The following CIB2 variants were observed in gnomAD, a reference collection of about 807,000 sequenced individuals.
CIB2 encodes calcium and integrin binding family member 2, also known as calcium and integrin-binding family member 2.
In CIB2, 19 loss-of-function variants were observed where a neutral mutation model predicts 23.1. The ratio of observed to expected loss-of-function variants is 0.82; its 90% CI spans 0.57 to 1.21. The LOEUF (loss-of-function observed/expected upper bound fraction) is 1.21, where lower values mean the gene tolerates loss of function less well. Among genes scored for constraint, CIB2 ranks in the 50% most tolerant of loss-of-function variants. CIB2 has a pLI of 0.00. For synonymous variants in CIB2, 94 were observed against 91.7 expected, an observed-to-expected ratio of 1.03 and a Z score of -0.14; for missense variants, 220 against 241.5, an observed-to-expected ratio of 0.91 and a Z score of 0.59.
At chr15:78,126,143 C>CG (rs796632353) in intron 1 of CIB2, among the ~76,000 whole-genome samples, 3 of 143,426 alleles carry the variant, frequency 2.1e-5, no homozygotes, top group African/African-American at 8.3e-5. Context: ...TTCCCCTGCC[C>CG]CCCCCCCTTT....
At chr15:78,107,039 T>C (rs562519722) in intron 4 of CIB2, among the ~76,000 whole-genome samples, 9 of 150,524 alleles carry the variant, frequency 6.0e-5, no homozygotes, top group Admixed American at 6.0e-4. Context: ...CCATCCTGGC[T>C]AACACGGTGA....
intron 2 of CIB2, among the ~76,000 whole-genome samples, chr15:78,115,939 C>T (rs571424306): frequency 6.6e-6 from 1 of 151,852 alleles, no homozygotes; most frequent in Non-Finnish European, 1.5e-5. Context: ...AATCAATGTA[C>T]TATTCGCCAT....
intron 3 of CIB2, chr15:78,110,691 A>G (rs1220652592): frequency 8.8e-6 from 4 of 456,176 alleles, no homozygotes; most frequent in Non-Finnish European, 1.8e-5. Flanking sequence ...TCCTGACTCT[A>G]CTCCACATGT....
chr15:78,119,704 C>G lies in CIB2; in HGVS notation c.86+4001G>C, dbSNP rs535615399. Among the ~76,000 whole-genome samples the G allele has an allele frequency of 2.4e-3, 360 of 152,084 alleles. 3 individuals carry two copies. Among genetic ancestry groups the G allele is most frequent in the African/African-American group, 8.0e-3 (331 of 41,458 alleles). On this transcript the variant is annotated intron_variant, in intron 2 of 5. Coordinates refer to ENST00000258930, the MANE Select transcript of CIB2 (RefSeq NM_006383.4). ...TCTCCTGCCTCAGCCTCCTGAGTAGCTGGGACTACAGGAACACACCACCAT... is the reference window on the plus strand; with the variant it reads ...TCTCCTGCCTCAGCCTCCTGAGTAGGTGGGACTACAGGAACACACCACCAT...
At chr15:78,129,243 G>A (rs1206703531) in intron 1 of CIB2, among the ~76,000 whole-genome samples, 1 of 152,126 alleles carries the variant, frequency 6.6e-6, no homozygotes, top group Non-Finnish European at 1.5e-5. Flanking sequence ...GAGAGCCAGA[G>A]GGTAGGAGAT....
intron 1 of CIB2, among the ~76,000 whole-genome samples, chr15:78,126,961 TAGTC>T (rs1479215451): frequency 6.6e-6 from 1 of 152,136 alleles, no homozygotes; most frequent in African/African-American, 2.4e-5. Context: ...AAAGGTTTGG[TAGTC>T]AGGGTCAAAT....
intron 4 of CIB2, among the ~76,000 whole-genome samples, chr15:78,108,265 C>G (rs867174770): frequency 3.3e-4 from 50 of 152,038 alleles, no homozygotes; most frequent in African/African-American, 9.6e-4. Context: ...CCTGATAGGC[C>G]CTGCTGCCTT....
At position 78,105,225 on chromosome 15, in the gene CIB2, C is replaced by G. The variant is rs2074047164; in HGVS notation, c.*86G>C. 1.3e-6 allele frequency: 2 copies of G among 1,581,100 alleles called. No homozygotes were observed. Among genetic ancestry groups the G allele is most frequent in the Non-Finnish European group, 1.7e-6 (2 of 1,154,704 alleles). On this transcript the variant is annotated 3_prime_UTR_variant, in exon 6 of 6. Transcript: ENST00000258930. ...GTGTAAACCCCAGAGGCTGCCACTG[C>G]TTTCCTGGGGAGCTTGGAGGCCACA... is the stretch of plus-strand genomic sequence containing the variant.
At chr15:78,123,774 T>G in intron 1 of CIB2, 35 bp from the exon 2 acceptor site, 1 of 1,613,838 alleles carries the variant, frequency 6.2e-7, no homozygotes, top group East Asian at 2.2e-5. Context: ...ACAGTCAGTG[T>G]GCGGCTCCCA....
chr15:78,105,273 T>C lies in CIB2; in HGVS notation c.*38A>G, dbSNP rs777599243. The C allele has an allele frequency of 2.0e-5, 33 of 1,613,340 alleles. No homozygotes were observed. Among genetic ancestry groups the C allele is most frequent in the Non-Finnish European group, 2.6e-5 (31 of 1,179,682 alleles). On this transcript the variant is annotated 3_prime_UTR_variant, in exon 6 of 6. Transcript: ENST00000258930. ...ACACCCATGTGACTGCAGGGCAGGA[T>C]GGTGGACTTCTAGGCCCCTACAGCC...
chr15:78,115,316 G>A (rs1347554205), intron 2 of CIB2, among the ~76,000 whole-genome samples: 2 of 152,078 alleles, frequency 1.3e-5, no homozygotes, highest in African/African-American at 2.4e-5. Context: ...GGAGTGCAGT[G>A]GCGCAATCTT....
chr15:78,105,239 T>C lies in CIB2; in HGVS notation c.*72A>G. 2 of 1,603,468 alleles carry C rather than the reference T, an allele frequency of 1.2e-6. No individual in the cohort carries two copies. The highest frequency in any genetic ancestry group is 1.7e-6 in the Non-Finnish European group (2 of 1,172,326). ...GGCTGCCACTGCTTTCCTGGGGAGCTTGGAGGCCACACCCATGTGACTGCA... is the reference window on the plus strand; with the variant it reads ...GGCTGCCACTGCTTTCCTGGGGAGCCTGGAGGCCACACCCATGTGACTGCA... On this transcript the variant is annotated 3_prime_UTR_variant, in exon 6 of 6. Coordinates refer to ENST00000258930, the MANE Select transcript of CIB2 (RefSeq NM_006383.4).
At chr15:78,113,087 T>A (rs1334629215) in intron 2 of CIB2, among the ~76,000 whole-genome samples, 1 of 152,164 alleles carries the variant, frequency 6.6e-6, no homozygotes, top group Non-Finnish European at 1.5e-5. Flanking sequence ...GTCTTCCCCA[T>A]CCTACACAGC....
chr15:78,115,239 T>C (rs1190689146), intron 2 of CIB2, among the ~76,000 whole-genome samples: 1 of 152,152 alleles, frequency 6.6e-6, no homozygotes, highest in East Asian at 1.9e-4. Flanking sequence ...TTATTTGAAA[T>C]TTTAGAAGTA....
chr15:78,126,064 T>G (rs1333164756), intron 1 of CIB2, among the ~76,000 whole-genome samples: 1 of 151,980 alleles, frequency 6.6e-6, no homozygotes. Flanking sequence ...CAAAGTTGAG[T>G]AGCTTGCCTT....
intron 1 of CIB2, among the ~76,000 whole-genome samples, 176 bp from the exon 2 acceptor site, chr15:78,123,915 T>C (rs1373211479): frequency 6.6e-6 from 1 of 152,126 alleles, no homozygotes; most frequent in African/African-American, 2.4e-5. Context: ...CTAGTAGGTA[T>C]AGAAAATGCC....
At chr15:78,116,917 A>C (rs2141901156) in intron 2 of CIB2, among the ~76,000 whole-genome samples, 1 of 150,412 alleles carries the variant, frequency 6.6e-6, no homozygotes, top group South Asian at 2.1e-4. Flanking sequence ...TGTTTCTATA[A>C]TTTTTTTTAA....
intron 2 of CIB2, among the ~76,000 whole-genome samples, chr15:78,115,671 CT>C: frequency 6.8e-6 from 1 of 146,282 alleles, no homozygotes; most frequent in South Asian, 2.2e-4. Flanking sequence ...AGGGTATCTC[CT>C]TCTCTTTTTT....
chr15:78,105,328 A>C lies in CIB2; in HGVS notation c.547T>G (p.Phe183Val), dbSNP rs1375510703. The C allele has an allele frequency of 6.2e-7, 1 of 1,613,864 alleles. No individual in the cohort carries two copies. Among genetic ancestry groups the C allele is most frequent in the African/African-American group, 1.3e-5 (1 of 74,872 alleles). Residue 183 changes from phenylalanine to valine, a missense_variant, in exon 6 of 6, where the codon TTC becomes GTC. Coordinates refer to ENST00000258930, the MANE Select transcript of CIB2 (RefSeq NM_006383.4). ...IAKAPDFLST[F>V]HIRI is the part of the protein sequence containing the mutation. ...CAGTGTCCTCAGATCCGGATGTGGA[A>C]AGTGCTAGAAAGAGAGAAAGGGCAA...
Sources: allele counts gnomAD v4.1 joint callset (sites outside exome capture counted in the v4.1 genomes callset), GRCh38; gene constraint gnomAD v4.1.1; transcripts MANE v1.5; gene names NCBI Gene and HGNC (gene_info 2026-07-23, HGNC 2026-07-21).